The following PSMC1 variants were observed in gnomAD, a reference collection of about 807,000 sequenced individuals.
PSMC1 encodes proteasome 26S subunit, ATPase 1, also known as 26S proteasome regulatory subunit 4.
In PSMC1, 5 loss-of-function variants were observed where a neutral mutation model predicts 49.8. The ratio of observed to expected loss-of-function variants is 0.10; its 90% confidence interval spans 0.05 to 0.21. PSMC1 has a LOEUF of 0.21. Among genes scored for constraint, PSMC1 ranks in the 10% least tolerant of loss-of-function variants. The probability of loss-of-function intolerance (pLI) is 1.00; values close to 1 mark genes in which losing one functional copy is unlikely to be tolerated. For missense variants in PSMC1, 181 were observed against 535.7 expected (o/e 0.34, Z 6.54); for synonymous variants, 155 against 192.1 (o/e 0.81, Z 1.60).
At chr14:90,267,026 C>T (rs1268080577) in intron 7 of PSMC1, among the ~76,000 whole-genome samples, 1 of 152,162 alleles carries the variant, frequency 6.6e-6, no homozygotes, top group Non-Finnish European at 1.5e-5. Flanking sequence ...TCCTGAGGCA[C>T]CTACCCAGCC....
At chr14:90,262,276 A>G (rs1409634563) in intron 3 of PSMC1, among the ~76,000 whole-genome samples, 6 of 152,046 alleles carry the variant, frequency 3.9e-5, no homozygotes, top group Non-Finnish European at 8.8e-5. Context: ...ATGCACATGT[A>G]CCCTAAAACT....
intron 2 of PSMC1, among the ~76,000 whole-genome samples, chr14:90,259,869 G>C (rs1198853777): frequency 6.6e-6 from 1 of 152,020 alleles, no homozygotes; most frequent in Non-Finnish European, 1.5e-5. Context: ...TGATCCTCCC[G>C]CCTCAGCCTC....
chr14:90,266,609 C>G (rs1891522496), intron 7 of PSMC1, among the ~76,000 whole-genome samples: 1 of 152,216 alleles, frequency 6.6e-6, no homozygotes, highest in Non-Finnish European at 1.5e-5. Flanking sequence ...TGCAGGCCCC[C>G]TGTGGGGCTC....
intron 3 of PSMC1, among the ~76,000 whole-genome samples, chr14:90,261,059 A>G (rs968823267): frequency 5.3e-5 from 8 of 152,214 alleles, no homozygotes; most frequent in African/African-American, 1.9e-4. Flanking sequence ...TGCCGAACAT[A>G]GAATAAAATT....
Position 90,272,591 on chromosome 14 carries a change from T to A in PSMC1, c.*184T>A. On this transcript the variant is annotated 3_prime_UTR_variant, in exon 11 of 11. Coordinates refer to ENST00000261303, the MANE Select transcript of PSMC1 (RefSeq NM_002802.3). The surrounding 1 kb of genome is among the most constrained non-coding windows in gnomAD (Gnocchi z 4.5). ...TGGCCTGTTGGTCACTGTGCAGCAG[T>A]CTGCTTCCCAATAAAGCGTGCTCTT... 1.9e-6 allele frequency: 1 copy of A among 521,262 alleles called. No homozygotes were observed. The highest frequency in any genetic ancestry group is 3.5e-6 in the Non-Finnish European group (1 of 288,048). 32.3% of individuals were successfully genotyped at this position (521,262 alleles called of 1,614,324 possible).
chr14:90,268,031 TTAG>T (rs1274551353), intron 7 of PSMC1, 190 bp from the exon 8 acceptor site: 19 of 511,116 alleles, frequency 3.7e-5, no homozygotes, highest in African/African-American at 2.9e-4. Context: ...TCCAAACATG[TTAG>T]TAGATTTTTC....
intron 4 of PSMC1, 65 bp from the exon 5 acceptor site, chr14:90,263,597 G>A (rs1302076302): frequency 8.4e-6 from 13 of 1,553,532 alleles, no homozygotes; most frequent in South Asian, 6.9e-5. Flanking sequence ...TAAATCTAGC[G>A]AACTATCAGG....
intron 10 of PSMC1, chr14:90,271,955 C>T (rs1458402410): frequency 2.0e-5 from 4 of 197,006 alleles, no homozygotes; most frequent in South Asian, 6.6e-5. Context: ...TGCAGTGGCG[C>T]GATCTCGGCT....
At chr14:90,257,367 G>T (rs1226326919) in intron 1 of PSMC1, among the ~76,000 whole-genome samples, 1 of 152,120 alleles carries the variant, frequency 6.6e-6, no homozygotes, top group African/African-American at 2.4e-5. Context: ...TTGTTGTATG[G>T]TTATTGTATA....
chr14:90,274,072 C>T lies in PSMC1; in HGVS notation c.*1665C>T, dbSNP rs115386640. On this transcript the variant is annotated 3_prime_UTR_variant, in exon 11 of 11. Coordinates refer to ENST00000261303, the MANE Select transcript of PSMC1 (RefSeq NM_002802.3). ...TGTGGCCATCTTTAGGGGCGCCACT[C>T]TGCCTACCACAGAGGACATCCACAC... The T allele has an allele frequency of 7.3e-3, 1,132 of 154,964 alleles. 17 individuals are homozygous for T. Among genetic ancestry groups the T allele is most frequent in the African/African-American group, 0.026 (1,064 of 41,596 alleles). 9.6% of individuals were successfully genotyped at this position (154,964 alleles called of 1,614,324 possible).
chr14:90,269,350 A>G, intron 8 of PSMC1, 47 bp from the exon 9 acceptor site: 1 of 1,522,594 alleles, frequency 6.6e-7, no homozygotes, highest in South Asian at 1.2e-5. Context: ...CCCCTTGAGC[A>G]GGCGATCAGT....
At chr14:90,270,099 CTG>C in intron 9 of PSMC1, 97 bp from the exon 10 acceptor site, 1 of 1,294,814 alleles carries the variant, frequency 7.7e-7, no homozygotes, top group Non-Finnish European at 1.1e-6. Context: ...TTCTGTCCGA[CTG>C]AAACTTCGTA....
intron 5 of PSMC1, 22 bp downstream of exon 5, chr14:90,263,869 G>T (rs771451015): frequency 1.9e-6 from 3 of 1,613,556 alleles, no homozygotes; most frequent in Non-Finnish European, 2.5e-6. Flanking sequence ...GTCTTTTTCA[G>T]AAAGCCCACG....
At position 90,256,736 on chromosome 14, in the gene PSMC1, CG is replaced by C. The variant is rs1177767607; in HGVS notation, c.3+139del. On this transcript the variant is annotated intron_variant, in intron 1 of 10. Transcript: ENST00000261303. ...CCTTTTGCCGGCCTGATCTTCTCGGCGGGTGGAGGCTCCCAGAGACCGCGCT... is the reference window on the plus strand; with the variant it reads ...CCTTTTGCCGGCCTGATCTTCTCGGCGGTGGAGGCTCCCAGAGACCGCGCT... 1.5e-4 allele frequency: 211 copies of C among 1,398,140 alleles called. 2 individuals are homozygous for C. Among genetic ancestry groups the C allele is most frequent in the Admixed American group, 3.3e-4 (16 of 49,108 alleles). The allele number at this position is 1,398,140 out of a possible 1,614,324, so 86.6% of individuals were successfully genotyped here. A position where few individuals can be genotyped will look rare whatever the true frequency, so the allele number is the denominator to read the frequency against.
In PSMC1 at chr14:90,260,458, G is replaced by A. The variant is rs918272681; in HGVS notation, c.154+247G>A. Among the ~76,000 whole-genome samples, 6 of 152,204 alleles carry A rather than the reference G, an allele frequency of 3.9e-5. No individual in the cohort carries two copies. In the East Asian group the frequency reaches 9.6e-4, roughly 24 times the overall value. On this transcript the variant is annotated intron_variant, in intron 3 of 10. Transcript: ENST00000261303. ...TTAAGAAATGTCACCGTGGCGGGGT[G>A]CGGTGGTTCACGCCTGTAATCCCAG...
rs1891777801 is a variant in PSMC1 at position 90,275,245 on chromosome 14, G to GGACAT, written c.*2842_*2846dup. ...TCCTGAACTGGATCCTTTTCCTAGA[G>GGACAT]GACATGACTGGGCCTGAGGACCTGC... On this transcript the variant is annotated 3_prime_UTR_variant, in exon 11 of 11. Transcript: ENST00000261303. The GGACAT allele has an allele frequency of 1.3e-5, 2 of 152,152 alleles. No homozygotes were observed. The allele number at this position is 152,152 out of a possible 1,614,324, so 9.4% of individuals were successfully genotyped here.
chr14:90,259,094 A>G, intron 1 of PSMC1, 66 bp from the exon 2 acceptor site: 4 of 1,514,606 alleles, frequency 2.6e-6, no homozygotes, highest in Non-Finnish European at 3.7e-6. Flanking sequence ...ACAGGACAGT[A>G]TAAAGTTATT....
intron 7 of PSMC1, 32 bp downstream of exon 7, chr14:90,265,198 C>T (rs1891480349): frequency 6.8e-7 from 1 of 1,468,856 alleles, no homozygotes; most frequent in East Asian, 2.3e-5. Context: ...TTCCAGGCAC[C>T]CAGCTGGTCT....
chr14:90,261,716 A>G (rs1340979640), intron 3 of PSMC1, among the ~76,000 whole-genome samples: 4 of 152,196 alleles, frequency 2.6e-5, no homozygotes, highest in Non-Finnish European at 5.9e-5. Context: ...ACTGTAAACT[A>G]GTTCAACCAT....
Sources: gnomAD v4.1 joint callset for allele counts (sites outside exome capture counted in the v4.1 genomes callset) on GRCh38, gnomAD v4.1.1 for gene constraint, Gnocchi (gnomAD v3.1) non-coding constraint, MANE v1.5 for transcripts, NCBI Gene and HGNC (gene_info 2026-07-23, HGNC 2026-07-21) for gene names.